TCF25: variants seen among roughly 807,000 people sequenced by gnomAD.
TCF25 encodes ribosome quality control complex subunit TCF25.
In TCF25, 41 loss-of-function variants were observed where a neutral mutation model predicts 83.1. That is an observed-to-expected ratio of 0.49 (90% confidence interval 0.38 to 0.64). The LOEUF is 0.64. Among genes scored for constraint, TCF25 ranks in the 30% least tolerant of loss-of-function variants. The pLI is 0.00. For synonymous variants in TCF25, 458 were observed against 365.0 expected, an observed-to-expected ratio of 1.25 and a Z score of -2.90; for missense variants, 979 against 914.5, an observed-to-expected ratio of 1.07 and a Z score of -0.91.
chr16:89,882,803 T>C (rs1489596812), intron 1 of TCF25, among the ~76,000 whole-genome samples: 1 of 152,172 alleles, frequency 6.6e-6, no homozygotes, highest in Non-Finnish European at 1.5e-5. Context: ...GCCAGGCTGG[T>C]CTTGAACTCC....
intron 7 of TCF25, among the ~76,000 whole-genome samples, chr16:89,894,062 T>C (rs2043632816): frequency 6.6e-6 from 1 of 152,108 alleles, no homozygotes; most frequent in Non-Finnish European, 1.5e-5. Context: ...GCTCCATCCA[T>C]ACTCAGAGGA....
At chr16:89,887,341 G>A (rs2043093461) in intron 4 of TCF25, among the ~76,000 whole-genome samples, 1 of 151,844 alleles carries the variant, frequency 6.6e-6, no homozygotes, top group Non-Finnish European at 1.5e-5. Flanking sequence ...TTAAGACGCA[G>A]TAGTGTAGTC....
At chr16:89,894,931 C>A in intron 7 of TCF25, 107 bp from the exon 8 acceptor site, 1 of 910,730 alleles carries the variant, frequency 1.1e-6, no homozygotes, top group South Asian at 1.6e-5. Context: ...AGGCGTGAGC[C>A]ACTGCGCCCA....
chr16:89,908,906 C>T (rs1158837856), intron 16 of TCF25: 2 of 1,282,976 alleles, frequency 1.6e-6, no homozygotes, highest in Non-Finnish European at 1.0e-6. Flanking sequence ...CTGGCTGCCT[C>T]TTTCAGACCC....
At chr16:89,900,885 C>A in intron 12 of TCF25, 91 bp downstream of exon 12, 1 of 1,333,740 alleles carries the variant, frequency 7.5e-7, no homozygotes, top group Non-Finnish European at 9.9e-7. Flanking sequence ...AGGTCCCAGT[C>A]CTTCCCCACA....
chr16:89,895,353 C>A (rs997315576), intron 8 of TCF25, among the ~76,000 whole-genome samples: 3 of 152,148 alleles, frequency 2.0e-5, no homozygotes, highest in Admixed American at 6.5e-5. Context: ...ACTACAGGCG[C>A]CCGCCACCAG....
chr16:89,901,395 CCTT>C (rs780126019), intron 12 of TCF25, among the ~76,000 whole-genome samples: 4 of 151,692 alleles, frequency 2.6e-5, no homozygotes, highest in African/African-American at 7.3e-5. Flanking sequence ...TGAAATCCCT[CCTT>C]AAGACGAGCC....
chr16:89,889,425 C>T (rs904625236), intron 5 of TCF25: 1 of 249,222 alleles, frequency 4.0e-6, no homozygotes, highest in Non-Finnish European at 7.9e-6. Context: ...GATTCTCCTC[C>T]CTCTACCTCC....
intron 11 of TCF25, 140 bp from the exon 12 acceptor site, chr16:89,900,495 G>A: frequency 1.1e-6 from 1 of 925,254 alleles, no homozygotes; most frequent in Non-Finnish European, 1.5e-6. Flanking sequence ...TTTATGCTGA[G>A]TTAGGAAGAG....
chr16:89,885,952 C>T lies in TCF25; in HGVS notation c.534C>T (p.Leu178=). The change falls in exon 4 of 18, where the codon CTC becomes CTT. Residue 178 remains leucine, a synonymous_variant. Transcript: ENST00000263346. ...PAPLSSRKHV[L]YVEHRHLNPD... Reference sequence around the variant, plus strand: ...CCCTGAGCTCCAGGAAGCACGTTCTCTACGTGGAGCACAGGTGTGGCCCCC... The same window carrying T: ...CCCTGAGCTCCAGGAAGCACGTTCTTTACGTGGAGCACAGGTGTGGCCCCC... 1 of 1,605,352 alleles carries T rather than the reference C, an allele frequency of 6.2e-7. No homozygotes were observed. The highest frequency in any genetic ancestry group is 8.5e-7 in the Non-Finnish European group (1 of 1,175,452).
At chr16:89,909,055 A>C (rs774186819) in intron 16 of TCF25, 6 of 1,289,538 alleles carry the variant, frequency 4.7e-6, no homozygotes, top group Non-Finnish European at 6.1e-6. Flanking sequence ...CCGAATGTAC[A>C]AGCGCTTGCG....
intron 13 of TCF25, chr16:89,904,583 A>G (rs1306370578): frequency 2.1e-6 from 1 of 485,706 alleles, no homozygotes; most frequent in Non-Finnish European, 3.8e-6. Flanking sequence ...GTCTCAAAAA[A>G]CAAAATAAAC....
At chr16:89,906,334 A>G in intron 15 of TCF25, 50 bp downstream of exon 15, 1 of 1,579,696 alleles carries the variant, frequency 6.3e-7, no homozygotes, top group South Asian at 1.1e-5. Context: ...GGTCACATGC[A>G]CGTCCCTTCT....
intron 17 of TCF25, 89 bp downstream of exon 17, chr16:89,910,752 G>C: frequency 1.4e-6 from 2 of 1,433,996 alleles, no homozygotes; most frequent in Non-Finnish European, 1.9e-6. Flanking sequence ...CTTGAACCAG[G>C]ACTGTGCCAG....
intron 6 of TCF25, among the ~76,000 whole-genome samples, chr16:89,893,334 G>C (rs1567715207): frequency 6.6e-6 from 1 of 152,206 alleles, no homozygotes; most frequent in African/African-American, 2.4e-5. Context: ...CTCCAACCCT[G>C]TCCTTCCACA....
rs1449246473 is a variant in TCF25 at position 89,873,833 on chromosome 16, G to T, written c.166G>T (p.Val56Phe). Residue 56 changes from valine to phenylalanine, a missense_variant, in exon 1 of 18, where the codon GTC (valine) becomes TTC (phenylalanine). Coordinates refer to ENST00000263346, the MANE Select transcript of TCF25 (RefSeq NM_014972.3). The stretch of plus-strand genomic sequence containing the variant: ...TCCCGGGGGCGCAGGGAAGGAGGGC[G>T]TCCGAGTCAACAACCGCTTCGAGCT... Reference protein sequence around the residue: ...RRPGGAGKEGVRVNNRFELIN... With the variant: ...RRPGGAGKEGFRVNNRFELIN... The T allele has an allele frequency of 6.4e-7, 1 of 1,573,812 alleles. No individual in the cohort carries two copies. Among genetic ancestry groups the T allele is most frequent in the East Asian group, 2.4e-5 (1 of 41,786 alleles).
chr16:89,903,185 T>C (rs4785736), intron 12 of TCF25, among the ~76,000 whole-genome samples: 98,305 of 152,208 alleles, frequency 0.65, 34,450 homozygotes, highest in East Asian at 0.92. Context: ...GCACCTCCCT[T>C]GAAGGCAGGT....
At position 89,873,813 on chromosome 16, in the gene TCF25, G is replaced by C; in HGVS notation, c.146G>C (p.Gly49Ala). Reference sequence around the variant, plus strand: ...CGGGAGCTTGGTGTCCGGCGTCCCGGGGGCGCAGGGAAGGAGGGCGTCCGA... The same window carrying C: ...CGGGAGCTTGGTGTCCGGCGTCCCGCGGGCGCAGGGAAGGAGGGCGTCCGA... ...PKRELGVRRP[G>A]GAGKEGVRVN... Residue 49 changes from glycine (G) to alanine (A), a missense_variant, in exon 1 of 18, where the codon GGG becomes GCG. Gly to Ala is a moderately conservative substitution (Grantham distance 60). Coordinates refer to ENST00000263346, the MANE Select transcript of TCF25 (RefSeq NM_014972.3). 1 of 1,595,336 alleles carries C rather than the reference G, an allele frequency of 6.3e-7. No homozygotes were observed. Among genetic ancestry groups the C allele is most frequent in the Non-Finnish European group, 8.5e-7 (1 of 1,172,962 alleles).
rs941695603 is a variant in TCF25 at position 89,907,236 on chromosome 16, T to A, written c.1720-7T>A. 60 of 1,612,572 alleles carry A rather than the reference T, an allele frequency of 3.7e-5. No homozygotes were observed. The highest frequency in any genetic ancestry group is 4.7e-5 in the Non-Finnish European group (56 of 1,179,282). On this transcript the variant is annotated splice_region_variant and splice_polypyrimidine_tract_variant and intron_variant, in intron 15 of 17. Transcript: ENST00000263346. ...GTAGCATCTTCGTTTTATGTCCCTT[T>A]CTGAAGGACGTGACCACGCAGTCTG...
Sources: gnomAD v4.1 joint callset for allele counts (sites outside exome capture counted in the v4.1 genomes callset) on GRCh38, gnomAD v4.1.1 for gene constraint, MANE v1.5 for transcripts, NCBI Gene and HGNC (gene_info 2026-07-23, HGNC 2026-07-21) for gene names.